The following PRKG1 variants were observed in gnomAD, a reference collection of about 807,000 sequenced individuals.
The protein encoded by PRKG1 is cGMP-dependent protein kinase 1.
A neutral mutation model predicts 88.1 loss-of-function variants in PRKG1; 35 were observed. The observed-to-expected ratio is 0.40, with a 90% confidence interval of 0.30 to 0.53. PRKG1 has a LOEUF of 0.53. Ranked by LOEUF, PRKG1 falls within the 20% of genes least tolerant of loss-of-function variation. The pLI is 0.59. For missense variants in PRKG1, 540 were observed against 839.8 expected, an observed-to-expected ratio of 0.64 and a Z score of 4.41; for synonymous variants, 303 against 292.5, an observed-to-expected ratio of 1.04 and a Z score of -0.37.
chr10:51,495,787 G>C (rs1281757051), intron 3 of PRKG1, among the ~76,000 whole-genome samples: 1 of 152,188 alleles, frequency 6.6e-6, no homozygotes, highest in Non-Finnish European at 1.5e-5. Context: ...AGTTAAGACA[G>C]CATACTTCGG....
Position 51,560,191 on chromosome 10 carries a change from T to A in PRKG1, c.592+92355T>A, listed in dbSNP as rs756737399. 2.0e-5 allele frequency among the ~76,000 whole-genome samples: 3 copies of A among 152,074 alleles called. No individual in the cohort carries two copies. The South Asian group carries it at 6.2e-4, about 31-fold the overall frequency. On this transcript the variant is annotated intron_variant, in intron 3 of 17. Coordinates refer to ENST00000373980, the MANE Select transcript of PRKG1 (RefSeq NM_006258.4). ...TTCCCCTTTTGGTGGGTAGGTTGTG[T>A]TTTTTTCCCTTACTCCTGAGTGGGA... is the stretch of plus-strand genomic sequence containing the variant.
At chr10:52,077,993 G>A (rs1846674134) in intron 7 of PRKG1, among the ~76,000 whole-genome samples, 1 of 152,196 alleles carries the variant, frequency 6.6e-6, no homozygotes, top group African/African-American at 2.4e-5. Context: ...GTGGATGACA[G>A]TTGTCTGCCG....
intron 3 of PRKG1, among the ~76,000 whole-genome samples, chr10:51,481,969 TA>T (rs1430558944): frequency 1.3e-5 from 2 of 152,204 alleles, no homozygotes; most frequent in African/African-American, 2.4e-5. Context: ...TCATATACAA[TA>T]ATTCTGTTGT....
chr10:51,448,441 C>T (rs1193821965), intron 2 of PRKG1, among the ~76,000 whole-genome samples: 2 of 151,980 alleles, frequency 1.3e-5, no homozygotes, highest in African/African-American at 4.8e-5. Context: ...CTGACACAGT[C>T]ATGATAACCA....
intron 5 of PRKG1, among the ~76,000 whole-genome samples, chr10:51,928,199 A>G (rs1842618545): frequency 6.6e-6 from 1 of 152,194 alleles, no homozygotes; most frequent in Non-Finnish European, 1.5e-5. Context: ...TTAATAAAGA[A>G]CAATTATGGT....
At chr10:51,238,061 TA>T (rs920809464) in intron 2 of PRKG1, among the ~76,000 whole-genome samples, 87 of 152,216 alleles carry the variant, frequency 5.7e-4, no homozygotes, top group Non-Finnish European at 9.7e-4. Context: ...ATTCTTCTAT[TA>T]AAAAAAATTG....
intron 4 of PRKG1, among the ~76,000 whole-genome samples, chr10:51,879,321 T>C (rs1841379653): frequency 6.6e-6 from 1 of 152,234 alleles, no homozygotes; most frequent in Non-Finnish European, 1.5e-5. Context: ...AGTTCAGGGC[T>C]GACTCAAGGA....
At position 51,074,788 on chromosome 10, in the gene PRKG1, C is replaced by T; in HGVS notation, c.198C>T (p.Ser66=). The change falls in exon 1 of 18, where the codon AGC becomes AGT. Residue 66 remains serine, a synonymous_variant. Transcript: ENST00000373980. ...AGCAGGCGCAGAAGCAGAGCGCGAG[C>T]ACCTTGCAGGGCGAGCCGCGCACCA... ...ATQQAQKQSA[S]TLQGEPRTKR... 6.2e-7 allele frequency: 1 copy of T among 1,613,972 alleles called. No homozygotes were observed. The highest frequency in any genetic ancestry group is 8.5e-7 in the Non-Finnish European group (1 of 1,179,924).
At chr10:52,165,294 A>G (rs1838403689) in intron 9 of PRKG1, among the ~76,000 whole-genome samples, 1 of 152,192 alleles carries the variant, frequency 6.6e-6, no homozygotes, top group Non-Finnish European at 1.5e-5. Flanking sequence ...CAAACTGTGA[A>G]TTATTCCCTA....
chr10:51,230,728 T>TGCAA (rs1838822394), intron 2 of PRKG1, among the ~76,000 whole-genome samples: 1 of 151,986 alleles, frequency 6.6e-6, no homozygotes, highest in African/African-American at 2.4e-5. Flanking sequence ...TAATAATGAA[T>TGCAA]GCAAGTAAAT....
chr10:51,340,848 G>A (rs1841988718), intron 2 of PRKG1, among the ~76,000 whole-genome samples: 1 of 152,142 alleles, frequency 6.6e-6, no homozygotes, highest in Admixed American at 6.5e-5. Flanking sequence ...ACAATCTAAT[G>A]GGGCAGATGG....
chr10:52,093,575 A>G (rs924920220), intron 7 of PRKG1, among the ~76,000 whole-genome samples: 1 of 152,336 alleles, frequency 6.6e-6, no homozygotes, highest in African/African-American at 2.4e-5. Context: ...AATTGCCTCT[A>G]ATAATAGATG....
intron 3 of PRKG1, among the ~76,000 whole-genome samples, chr10:51,662,267 A>C (rs900338955): frequency 2.0e-5 from 3 of 152,130 alleles, no homozygotes; most frequent in African/African-American, 7.2e-5. Flanking sequence ...TAGTTGATCT[A>C]ATCAGGCATT....
intron 2 of PRKG1, among the ~76,000 whole-genome samples, chr10:51,464,147 G>T (rs967396120): frequency 3.3e-5 from 5 of 152,110 alleles, no homozygotes; most frequent in African/African-American, 1.2e-4. Context: ...TGGCATGGTG[G>T]CATGTGCCTG....
Position 52,208,477 on chromosome 10 carries a change from C to T in PRKG1, c.1077-43093C>T, listed in dbSNP as rs554953290. Among the ~76,000 whole-genome samples, 4 of 152,198 alleles carry T rather than the reference C, an allele frequency of 2.6e-5. No homozygotes were observed. The East Asian group carries it at 7.7e-4, about 29-fold the overall frequency. Reference sequence around the variant, plus strand: ...GAAGTATTATGGTAAAATGCTTTACCGTAAAATCCTCCAGCATCATACATC... The same window carrying T: ...GAAGTATTATGGTAAAATGCTTTACTGTAAAATCCTCCAGCATCATACATC... On this transcript the variant is annotated intron_variant, in intron 9 of 17. Transcript: ENST00000373980.
chr10:52,210,233 C>A (rs1379328079), intron 9 of PRKG1, among the ~76,000 whole-genome samples: 5 of 151,874 alleles, frequency 3.3e-5, no homozygotes, highest in Admixed American at 1.3e-4. Flanking sequence ...CAAAACGTGT[C>A]ATCTCTTAGG....
chr10:51,156,013 T>A, intron 2 of PRKG1, among the ~76,000 whole-genome samples: 1 of 151,886 alleles, frequency 6.6e-6, no homozygotes, highest in East Asian at 1.9e-4. Flanking sequence ...CCCATACATA[T>A]CTTCTTAAAC....
chr10:51,272,979 G>A (rs993693301), intron 2 of PRKG1, among the ~76,000 whole-genome samples: 3 of 152,124 alleles, frequency 2.0e-5, no homozygotes, highest in African/African-American at 7.2e-5. Flanking sequence ...AAATTAGCCT[G>A]TAGTGTTAGA....
intron 8 of PRKG1, among the ~76,000 whole-genome samples, chr10:52,155,556 C>G (rs571529593): frequency 6.6e-6 from 1 of 151,874 alleles, no homozygotes; most frequent in South Asian, 2.1e-4. Context: ...GCACAGACAG[C>G]CTAAAATCAA....
Sources: allele counts gnomAD v4.1 joint callset (sites outside exome capture counted in the v4.1 genomes callset), GRCh38; gene constraint gnomAD v4.1.1; transcripts MANE v1.5; gene names NCBI Gene and HGNC (gene_info 2026-07-23, HGNC 2026-07-21).